The following LPIN2 variants were observed in gnomAD, a reference collection of about 807,000 sequenced individuals.
LPIN2 encodes phosphatidate phosphatase LPIN2.
LPIN2 carries 55 observed loss-of-function variants against 111.4 expected under a neutral mutation model. That is an observed-to-expected ratio of 0.49 (90% CI 0.40 to 0.62). The LOEUF is 0.62. LPIN2 is among the 20% of genes least tolerant of loss of function. The pLI, the probability that LPIN2 is intolerant of heterozygous loss-of-function variation, is 0.00. For synonymous variants in LPIN2, 425 were observed against 414.0 expected (o/e 1.03, Z -0.32); for missense variants, 992 against 1,112.1 (o/e 0.89, Z 1.54).
At chr18:2,969,530 G>C (rs1478685981) in intron 1 of LPIN2, among the ~76,000 whole-genome samples, 1 of 152,170 alleles carries the variant, frequency 6.6e-6, no homozygotes, top group African/African-American at 2.4e-5. Context: ...GTCGCAGTCA[G>C]GGAGGTTTTT....
At chr18:2,975,108 A>T (rs2077989499) in intron 1 of LPIN2, among the ~76,000 whole-genome samples, 1 of 152,242 alleles carries the variant, frequency 6.6e-6, no homozygotes, top group Non-Finnish European at 1.5e-5. Context: ...TACTAATAAG[A>T]AAACTGAGGC....
chr18:2,952,296 C>G (rs1252177244), intron 3 of LPIN2, among the ~76,000 whole-genome samples: 1 of 152,104 alleles, frequency 6.6e-6, no homozygotes, highest in African/African-American at 2.4e-5. Flanking sequence ...CCTGGTGATG[C>G]ATGCCTGTAA....
chr18:3,003,669 C>T (rs568216057), intron 1 of LPIN2, among the ~76,000 whole-genome samples: 2 of 152,266 alleles, frequency 1.3e-5, no homozygotes, highest in South Asian at 4.1e-4. Context: ...CTCTTAATCA[C>T]GTTATCTTCA....
chr18:2,950,167 G>A (rs747595535), intron 4 of LPIN2: 3 of 152,052 alleles, frequency 2.0e-5, no homozygotes, highest in Non-Finnish European at 4.4e-5. Context: ...CAAAAGATTG[G>A]CAAATAAAAC....
At chr18:2,995,799 G>A (rs1363571098) in intron 1 of LPIN2, among the ~76,000 whole-genome samples, 1 of 152,200 alleles carries the variant, frequency 6.6e-6, no homozygotes, top group Admixed American at 6.5e-5. Flanking sequence ...GATACACTGT[G>A]AGACTCTGAA....
chr18:3,011,098 C>G (rs1352449479), intron 1 of LPIN2, among the ~76,000 whole-genome samples: 1 of 152,124 alleles, frequency 6.6e-6, no homozygotes, highest in Non-Finnish European at 1.5e-5. Flanking sequence ...GTTTGGCTTT[C>G]AGGAACTCTG....
At chr18:2,953,276 C>T (rs2143126375) in intron 3 of LPIN2, among the ~76,000 whole-genome samples, 1 of 152,224 alleles carries the variant, frequency 6.6e-6, no homozygotes, top group South Asian at 2.1e-4. Flanking sequence ...TAACCCAGTC[C>T]TCTCGCTTAC....
At chr18:2,938,075 C>T in intron 6 of LPIN2, 38 bp from the exon 7 acceptor site, 1 of 1,480,746 alleles carries the variant, frequency 6.8e-7, no homozygotes, top group Non-Finnish European at 9.4e-7. Context: ...AAACTACTTT[C>T]AGAGTATTTG....
chr18:2,972,467 G>A (rs892676626), intron 1 of LPIN2: 2 of 152,134 alleles, frequency 1.3e-5, no homozygotes, highest in Non-Finnish European at 2.9e-5. Flanking sequence ...TGACTTTTAC[G>A]AAAATGCCCA....
chr18:2,979,707 G>A (rs190599041), intron 1 of LPIN2, among the ~76,000 whole-genome samples: 16 of 152,200 alleles, frequency 1.1e-4, no homozygotes, highest in South Asian at 6.2e-4. Flanking sequence ...TCAAATAGCC[G>A]AAACATATTC....
intron 1 of LPIN2, among the ~76,000 whole-genome samples, chr18:2,984,601 G>C (rs1008971576): frequency 1.3e-5 from 2 of 152,034 alleles, no homozygotes; most frequent in African/African-American, 4.8e-5. Context: ...AGAAAAGTTA[G>C]AGGGGCAGAG....
In LPIN2 at chr18:2,937,869, C is replaced by A. The variant is rs80338805; in HGVS notation, c.991G>T (p.Ala331Ser). The A allele has an allele frequency of 1.9e-3, 3,074 of 1,614,088 alleles. 4 individuals carry two copies. Among genetic ancestry groups the A allele is most frequent in the Admixed American group, 4.4e-3 (266 of 59,998 alleles). ...GGGTCGCTCATCTGTGTACCCAGGGCTCTGGGTTTGGGCTTCACTATGGTA... is the reference window on the plus strand; with the variant it reads ...GGGTCGCTCATCTGTGTACCCAGGGATCTGGGTTTGGGCTTCACTATGGTA... The part of the protein sequence containing the change: ...VCTIVKPKPR[A>S]LGTQMSDPTS... Residue 331 changes from alanine (A) to serine (S), a missense_variant, in exon 7 of 20, where the codon GCC (alanine) becomes TCC (serine). Ala to Ser is a moderately conservative substitution (Grantham distance 99, BLOSUM62 1). Coordinates refer to ENST00000677752, the MANE Select transcript of LPIN2 (RefSeq NM_001375808.2).
intron 8 of LPIN2, among the ~76,000 whole-genome samples, chr18:2,933,713 C>A (rs777857077): frequency 1.3e-5 from 2 of 152,138 alleles, no homozygotes; most frequent in Non-Finnish European, 2.9e-5. Flanking sequence ...TTTTTTCTAA[C>A]CACAGAGTAG....
rs72871411 is a variant in LPIN2, at chr18:2,934,763, A to G, written c.1169-313T>C. On this transcript the variant is annotated intron_variant, in intron 7 of 19. Coordinates refer to ENST00000677752, the MANE Select transcript of LPIN2 (RefSeq NM_001375808.2). Reference sequence around the variant, plus strand: ...TTTTTGTATTTATAGGTCTAAGAACAAGCATGACCAAACTTAAGGCAACCA... The same window carrying G: ...TTTTTGTATTTATAGGTCTAAGAACGAGCATGACCAAACTTAAGGCAACCA... 2.7e-3 allele frequency among the ~76,000 whole-genome samples: 413 copies of G among 152,350 alleles called. 1 individual carries two copies. Among genetic ancestry groups the G allele is most frequent in the Non-Finnish European group, 4.5e-3 (309 of 68,038 alleles).
At chr18:2,953,064 G>GT (rs1406204245) in intron 3 of LPIN2, among the ~76,000 whole-genome samples, 1 of 152,218 alleles carries the variant, frequency 6.6e-6, no homozygotes, top group Non-Finnish European at 1.5e-5. Context: ...GCATAGAGTA[G>GT]TAATTCCAAC....
intron 1 of LPIN2, chr18:2,967,773 C>T (rs1479590587): frequency 6.6e-6 from 1 of 152,198 alleles, no homozygotes; most frequent in African/African-American, 2.4e-5. Context: ...AAGCAAATGC[C>T]TTACTTTGTA....
chr18:2,951,262 T>C lies in LPIN2; in HGVS notation c.383A>G (p.Asp128Gly), dbSNP rs754670856. The change falls in exon 4 of 20, where the codon GAT becomes GGT. Residue 128 changes from aspartate to glycine, a missense_variant. By Grantham distance (94) the Asp-to-Gly change is moderately conservative (BLOSUM62 -1). This residue lies in a region of LPIN2 where 709 missense variants were observed against 753.2 expected (regional missense o/e 0.94). Coordinates refer to ENST00000677752, the MANE Select transcript of LPIN2 (RefSeq NM_001375808.2). ...IDTPLVKSGG[D>G]ETPSQSSDIS... ...GTCTGAACTCTGAGATGGTGTTTCA[T>C]CTCCACCCGATTTCACCAAAGGGGT... The C allele has an allele frequency of 1.2e-6, 2 of 1,614,092 alleles. No homozygotes were observed. Among genetic ancestry groups the C allele is most frequent in the South Asian group, 2.2e-5 (2 of 91,080 alleles).
At position 2,925,250 on chromosome 18, in the gene LPIN2, ACTT is replaced by A; in HGVS notation, c.1909_1911del (p.Lys637del). On this transcript the variant is annotated inframe_deletion, in exon 14 of 20. Transcript: ENST00000677752. The surrounding 1 kb of genome is among the most constrained non-coding windows in gnomAD (Gnocchi z 4.1). The stretch of plus-strand genomic sequence containing the variant: ...ATCTGGTCTGAGGAGAGGCGGAGAG[ACTT>A]CTTATATGAAGTTGTGCTGCCGTGG... The A allele has an allele frequency of 6.2e-7, 1 of 1,614,124 alleles. No homozygotes were observed. The highest frequency in any genetic ancestry group is 8.5e-7 in the Non-Finnish European group (1 of 1,180,020).
chr18:2,946,514 C>CGGTTGTAGCACAGCAAG, intron 4 of LPIN2: 1 of 1,564,518 alleles, frequency 6.4e-7, no homozygotes, highest in Non-Finnish European at 8.8e-7. Flanking sequence ...ACCGCAGCTC[C>CGGTTGTAGCACAGCAAG]GGTTGTAGCA....
Sources: allele counts gnomAD v4.1 joint callset (sites outside exome capture counted in the v4.1 genomes callset), GRCh38; gene constraint gnomAD v4.1.1; regional missense constraint gnomAD v4.1.1; non-coding constraint Gnocchi (gnomAD v3.1); transcripts MANE v1.5; gene names NCBI Gene and HGNC (gene_info 2026-07-23, HGNC 2026-07-21).